The following CDR2 variants were observed in gnomAD, a reference collection of about 807,000 sequenced individuals.
The protein encoded by CDR2 is cerebellar degeneration-related protein 2.
In CDR2, 34 loss-of-function variants were observed where a neutral mutation model predicts 48.4. The ratio of observed to expected loss-of-function variants is 0.70; its 90% CI spans 0.53 to 0.94. The LOEUF (loss-of-function observed/expected upper bound fraction) is 0.94. Ranked by LOEUF, CDR2 falls within the 40% of genes least tolerant of loss-of-function variation. CDR2 has a pLI of 0.00. For synonymous variants in CDR2, 240 were observed against 219.7 expected (o/e 1.09, Z -0.82); for missense variants, 498 against 549.5 (o/e 0.91, Z 0.94).
intron 2 of CDR2, among the ~76,000 whole-genome samples, chr16:22,355,873 C>T (rs933197788): frequency 2.6e-5 from 4 of 152,142 alleles, no homozygotes; most frequent in Non-Finnish European, 5.9e-5. Context: ...TGAGGTGTTG[C>T]CCAACTTTAG....
Position 22,346,292 on chromosome 16 carries a change from G to A in CDR2, c.*673C>T, listed in dbSNP as rs1318995896. On this transcript the variant is annotated 3_prime_UTR_variant, in exon 5 of 5. Transcript: ENST00000268383. ...TTTGAGTAAAAACATTAGAATACAGGGATGGAGGCCCTCTAGGGCATATGC... is the reference window on the plus strand; with the variant it reads ...TTTGAGTAAAAACATTAGAATACAGAGATGGAGGCCCTCTAGGGCATATGC... The A allele has an allele frequency of 1.3e-5, 2 of 152,650 alleles. No individual in the cohort carries two copies. The highest frequency in any genetic ancestry group is 2.9e-5 in the Non-Finnish European group (2 of 68,074). The allele number at this position is 152,650 out of a possible 1,614,324, so 9.5% of individuals were successfully genotyped here. A position where few individuals can be genotyped will look rare whatever the true frequency, so the allele number is the denominator to read the frequency against.
At position 22,347,668 on chromosome 16, in the gene CDR2, T is replaced by TC; in HGVS notation, c.661dup (p.Glu221GlyfsTer12). The TC allele has an allele frequency of 1.4e-5, 22 of 1,614,088 alleles. No individual in the cohort carries two copies. The highest frequency in any genetic ancestry group is 1.9e-5 in the Non-Finnish European group (22 of 1,180,020). On this transcript the variant is annotated frameshift_variant, in exon 5 of 5. Coordinates refer to ENST00000268383, the MANE Select transcript of CDR2 (RefSeq NM_001802.2). LOFTEE classifies it high-confidence loss of function. ...CTCCTTTAACACGAGCCCATATTCCTCCTCCATAGTCACCCGCTTCTGCCG... is the reference window on the plus strand; with the variant it reads ...CTCCTTTAACACGAGCCCATATTCCTCCCTCCATAGTCACCCGCTTCTGCCG...
At chr16:22,373,758 G>T (rs945894669) in intron 1 of CDR2, among the ~76,000 whole-genome samples, 1 of 152,200 alleles carries the variant, frequency 6.6e-6, no homozygotes, top group Non-Finnish European at 1.5e-5. Context: ...CTGGAGTTAC[G>T]GTGCGGAGCG....
rs542410874 is a variant in CDR2, at chr16:22,362,499, A to T, written c.192+2403T>A. Among the ~76,000 whole-genome samples, 133 of 152,360 alleles carry T rather than the reference A, an allele frequency of 8.7e-4. 1 individual carries two copies. Among genetic ancestry groups the T allele is most frequent in the South Asian group, 1.9e-3 (9 of 4,832 alleles). The stretch of plus-strand genomic sequence containing the variant: ...CTACACTTGAAAGATATGCTAAAAT[A>T]AGTACCAGTTATAGTGTTTTATAAA... On this transcript the variant is annotated intron_variant, in intron 2 of 4. Transcript: ENST00000268383.
intron 2 of CDR2, among the ~76,000 whole-genome samples, chr16:22,350,773 T>C (rs1171150843): frequency 6.6e-6 from 1 of 152,096 alleles, no homozygotes; most frequent in Non-Finnish European, 1.5e-5. Flanking sequence ...AACTAAAAAA[T>C]CTAAAGTGAG....
In CDR2 at chr16:22,349,861, G is replaced by T; in HGVS notation, c.193-12C>A. 6.2e-7 allele frequency: 1 copy of T among 1,613,698 alleles called. No homozygotes were observed. On this transcript the variant is annotated splice_polypyrimidine_tract_variant and intron_variant, in intron 2 of 4. Coordinates refer to ENST00000268383, the MANE Select transcript of CDR2 (RefSeq NM_001802.2). Reference sequence around the variant, plus strand: ...TGCTTCGTCAGATACTGTAAGAGAAGATCAGGACCAGGTGACACAAACAGA... The same window carrying T: ...TGCTTCGTCAGATACTGTAAGAGAATATCAGGACCAGGTGACACAAACAGA...
At chr16:22,371,428 T>G (rs944130758) in intron 1 of CDR2, among the ~76,000 whole-genome samples, 2 of 152,218 alleles carry the variant, frequency 1.3e-5, no homozygotes, top group Non-Finnish European at 2.9e-5. Context: ...GCACATCCCA[T>G]GAGGCGGCAC....
At chr16:22,369,629 T>C (rs1272721654) in intron 1 of CDR2, among the ~76,000 whole-genome samples, 1 of 152,160 alleles carries the variant, frequency 6.6e-6, no homozygotes, top group East Asian at 1.9e-4. Context: ...ACAAGAAAGC[T>C]CCTGTGAAGT....
rs1339562849 is a variant in CDR2, at chr16:22,368,000, C to T, written c.80-2986G>A. Among the ~76,000 whole-genome samples, 3 of 152,072 alleles carry T rather than the reference C, an allele frequency of 2.0e-5. No homozygotes were observed. In the East Asian group the frequency reaches 5.8e-4, roughly 29 times the overall value. The stretch of plus-strand genomic sequence containing the variant: ...ATTTTGGGAGGGTGAACCAGATGGA[C>T]TGCTTGAGCTCAGAAGTTCGAGACC... On this transcript the variant is annotated intron_variant, in intron 1 of 4. Transcript: ENST00000268383.
intron 1 of CDR2, among the ~76,000 whole-genome samples, chr16:22,371,913 C>G (rs546048147): frequency 1.4e-4 from 21 of 151,372 alleles, no homozygotes; most frequent in Middle Eastern, 3.4e-3. Context: ...TTCTTGTCAT[C>G]CAGGCTGGAG....
chr16:22,370,419 T>C (rs945197648), intron 1 of CDR2, among the ~76,000 whole-genome samples: 3 of 152,204 alleles, frequency 2.0e-5, no homozygotes, highest in African/African-American at 7.2e-5. Context: ...AGAGTTCATT[T>C]ACTGATCCAC....
chr16:22,362,120 C>G (rs925014675), intron 2 of CDR2, among the ~76,000 whole-genome samples: 1 of 152,082 alleles, frequency 6.6e-6, no homozygotes, highest in Non-Finnish European at 1.5e-5. Flanking sequence ...CCAGGATGGT[C>G]TCGATTTCCT....
intron 2 of CDR2, among the ~76,000 whole-genome samples, chr16:22,353,992 G>C (rs967397363): frequency 2.0e-5 from 3 of 152,160 alleles, no homozygotes; most frequent in Non-Finnish European, 2.9e-5. Flanking sequence ...CTCAGCATGA[G>C]ATCTGGCAGA....
intron 2 of CDR2, among the ~76,000 whole-genome samples, chr16:22,356,367 CAGCACTCTGG>C (rs1177927236): frequency 6.6e-6 from 1 of 152,226 alleles, no homozygotes; most frequent in Non-Finnish European, 1.5e-5. Flanking sequence ...GCTGTAATCC[CAGCACTCTGG>C]GAGGCCGAGG....
chr16:22,356,705 A>T (rs1002278287), intron 2 of CDR2, among the ~76,000 whole-genome samples: 1 of 152,104 alleles, frequency 6.6e-6, no homozygotes, highest in Non-Finnish European at 1.5e-5. Flanking sequence ...GTGGGCCGAG[A>T]TCACGCCACT....
In CDR2 at chr16:22,374,290, A is replaced by G. The variant is rs1302967819; in HGVS notation, c.20T>C (p.Val7Ala). 13 of 1,595,148 alleles carry G rather than the reference A, an allele frequency of 8.1e-6. No individual in the cohort carries two copies. The highest frequency in any genetic ancestry group is 1.1e-5 in the Non-Finnish European group (13 of 1,171,238). The change falls in exon 1 of 5, where the codon GTA (valine) becomes GCA (alanine). Residue 7 changes from valine to alanine, a missense_variant. Transcript: ENST00000268383. MLAENLVEEFEMKEDEP... is the reference protein window; with the variant it reads MLAENLAEEFEMKEDEP... ...GTCCTCCTTCATCTCAAACTCCTCTACCAGGTTTTCCGCCAGCATCTCGGC... is the reference window on the plus strand; with the variant it reads ...GTCCTCCTTCATCTCAAACTCCTCTGCCAGGTTTTCCGCCAGCATCTCGGC...
rs1346105502 is a variant in CDR2, at chr16:22,349,320, T to C, written c.465A>G (p.Ala155=). The part of the protein sequence containing the change: ...SPGKCDQEKP[A]PSFACLKELY... ...GCTCCTTCAGACATGCAAAGCTGGGTGCCGGTTTCTCCTGGTCACACTTTC... is the reference window on the plus strand; with the variant it reads ...GCTCCTTCAGACATGCAAAGCTGGGCGCCGGTTTCTCCTGGTCACACTTTC... Residue 155 remains alanine (A), a synonymous_variant, in exon 4 of 5, where the codon GCA becomes GCG. Transcript: ENST00000268383. The C allele has an allele frequency of 5.0e-6, 8 of 1,614,018 alleles. No homozygotes were observed. The highest frequency in any genetic ancestry group is 3.3e-5 in the Admixed American group (2 of 59,982).
At chr16:22,356,953 GA>G (rs1162529433) in intron 2 of CDR2, among the ~76,000 whole-genome samples, 1,583 of 87,630 alleles carry the variant, frequency 0.018, 25 homozygotes, top group East Asian at 0.1. Context: ...AAAAAAAAAA[GA>G]AAAAAAAAAA....
intron 1 of CDR2, chr16:22,369,046 C>T (rs2049059980): frequency 6.6e-6 from 1 of 152,128 alleles, no homozygotes; most frequent in Non-Finnish European, 1.5e-5. Flanking sequence ...AGTATAAAAA[C>T]ATTACCTAGG....
Sources: allele counts gnomAD v4.1 joint callset (sites outside exome capture counted in the v4.1 genomes callset), GRCh38; gene constraint gnomAD v4.1.1; transcripts MANE v1.5; gene names NCBI Gene and HGNC (gene_info 2026-07-23, HGNC 2026-07-21).